ZFPM2: variants seen among roughly 807,000 people sequenced by gnomAD.
ZFPM2 encodes zinc finger protein ZFPM2.
Under a neutral mutation model 98.6 loss-of-function variants are expected in ZFPM2, and 20 were observed. That is an observed-to-expected ratio of 0.20 (90% CI 0.14 to 0.29). The LOEUF (loss-of-function observed/expected upper bound fraction) is 0.29. Among genes scored for constraint, ZFPM2 ranks in the 10% least tolerant of loss-of-function variants. The pLI is 1.00. For missense variants in ZFPM2, 1,310 were observed against 1,388.6 expected, an observed-to-expected ratio of 0.94 and a Z score of 0.90; for synonymous variants, 518 against 502.7, an observed-to-expected ratio of 1.03 and a Z score of -0.41.
intron 6 of ZFPM2, among the ~76,000 whole-genome samples, chr8:105,790,100 T>A (rs1166675180): frequency 6.6e-6 from 1 of 151,572 alleles, no homozygotes; most frequent in Non-Finnish European, 1.5e-5. Flanking sequence ...TTAGATCCCA[T>A]TTGTCAATTT....
At chr8:105,629,219 G>A (rs771804334) in intron 4 of ZFPM2, among the ~76,000 whole-genome samples, 3 of 152,282 alleles carry the variant, frequency 2.0e-5, no homozygotes, top group South Asian at 2.1e-4. Flanking sequence ...ATACTTGTTC[G>A]CTCATGTGCT....
intron 3 of ZFPM2, among the ~76,000 whole-genome samples, chr8:105,552,424 G>C (rs28416651): frequency 6.6e-6 from 1 of 151,908 alleles, no homozygotes; most frequent in Non-Finnish European, 1.5e-5. Flanking sequence ...GCTGTGACAC[G>C]GGATGTTGTC....
At chr8:105,422,632 G>A (rs1452274466) in intron 2 of ZFPM2, among the ~76,000 whole-genome samples, 1 of 151,884 alleles carries the variant, frequency 6.6e-6, no homozygotes, top group Non-Finnish European at 1.5e-5. Context: ...TAATTATATG[G>A]GTCCCAAGCA....
At chr8:105,645,227 T>C (rs1393452734) in intron 5 of ZFPM2, among the ~76,000 whole-genome samples, 2 of 152,244 alleles carry the variant, frequency 1.3e-5, no homozygotes, top group African/African-American at 4.8e-5. Context: ...CTTGACTTTC[T>C]TTGACTTTCT....
intron 4 of ZFPM2, among the ~76,000 whole-genome samples, chr8:105,633,253 A>T: frequency 6.6e-6 from 1 of 152,188 alleles, no homozygotes; most frequent in East Asian, 1.9e-4. Flanking sequence ...CTTTGGCAGG[A>T]TCATATCTAG....
At chr8:105,412,607 A>C (rs755156945) in intron 1 of ZFPM2, among the ~76,000 whole-genome samples, 1 of 151,748 alleles carries the variant, frequency 6.6e-6, no homozygotes, top group African/African-American at 2.4e-5. Context: ...TTTCCTTCCT[A>C]CTAGATCCCC....
chr8:105,483,753 C>CTTTTTTT (rs551275094), intron 3 of ZFPM2, among the ~76,000 whole-genome samples: 1 of 141,776 alleles, frequency 7.1e-6, no homozygotes, highest in African/African-American at 2.6e-5. Flanking sequence ...TTTTTCTTTT[C>CTTTTTTT]TTTTTTTTTT....
intron 3 of ZFPM2, among the ~76,000 whole-genome samples, chr8:105,456,861 A>T (rs1812603317): frequency 1.3e-5 from 2 of 151,948 alleles, no homozygotes; most frequent in African/African-American, 4.8e-5. Context: ...TTTATCAGAG[A>T]CCGGGTTTCA....
chr8:105,464,367 T>C (rs1294836763), intron 3 of ZFPM2, among the ~76,000 whole-genome samples: 1 of 152,038 alleles, frequency 6.6e-6, no homozygotes, highest in Non-Finnish European at 1.5e-5. Context: ...AGTAAATGAA[T>C]TTTATAGGAT....
chr8:105,363,075 TC>T (rs1441463213), intron 1 of ZFPM2, among the ~76,000 whole-genome samples: 11 of 152,154 alleles, frequency 7.2e-5, no homozygotes, highest in Non-Finnish European at 1.3e-4. Context: ...TGAACGTGTA[TC>T]CCCACTCACC....
intron 4 of ZFPM2, among the ~76,000 whole-genome samples, chr8:105,571,677 A>G (rs1186106110): frequency 1.3e-5 from 2 of 152,234 alleles, no homozygotes; most frequent in South Asian, 2.1e-4. Flanking sequence ...TCAGCTTGAC[A>G]TGACAATTAA....
chr8:105,660,123 G>T (rs1312600980), intron 5 of ZFPM2, among the ~76,000 whole-genome samples: 1 of 151,946 alleles, frequency 6.6e-6, no homozygotes, highest in Non-Finnish European at 1.5e-5. Context: ...AAATAAACTG[G>T]AAACTGTTAG....
intron 3 of ZFPM2, among the ~76,000 whole-genome samples, chr8:105,510,949 A>G (rs2130507094): frequency 6.6e-6 from 1 of 152,298 alleles, no homozygotes; most frequent in South Asian, 2.1e-4. Flanking sequence ...TCACATATTC[A>G]CTTCAGAGTG....
intron 1 of ZFPM2, among the ~76,000 whole-genome samples, chr8:105,351,513 G>A (rs1443887052): frequency 6.6e-6 from 1 of 151,990 alleles, no homozygotes; most frequent in Non-Finnish European, 1.5e-5. Context: ...ATTCAACTTT[G>A]TACTTACGTA....
chr8:105,513,033 A>G (rs1466698809), intron 3 of ZFPM2, among the ~76,000 whole-genome samples: 2 of 152,138 alleles, frequency 1.3e-5, no homozygotes. Flanking sequence ...TACATGATCA[A>G]TGGTTTACAT....
At chr8:105,766,251 CT>C (rs904886584) in intron 5 of ZFPM2, among the ~76,000 whole-genome samples, 1 of 151,900 alleles carries the variant, frequency 6.6e-6, no homozygotes, top group Non-Finnish European at 1.5e-5. Context: ...GAAATCGAAG[CT>C]TTCCAACCTC....
At chr8:105,598,978 T>G (rs1816032575) in intron 4 of ZFPM2, among the ~76,000 whole-genome samples, 1 of 152,280 alleles carries the variant, frequency 6.6e-6, no homozygotes, top group African/African-American at 2.4e-5. Context: ...ATTGATTAAA[T>G]GAGTCTATTC....
chr8:105,524,980 C>T (rs1041639302), intron 3 of ZFPM2, among the ~76,000 whole-genome samples: 2 of 152,136 alleles, frequency 1.3e-5, no homozygotes, highest in African/African-American at 4.8e-5. Context: ...AAAAAAAGTT[C>T]ATCTCTCGCT....
intron 4 of ZFPM2, 71 bp from the exon 5 acceptor site, chr8:105,634,175 A>T: frequency 1.8e-6 from 2 of 1,085,774 alleles, no homozygotes; most frequent in Non-Finnish European, 2.7e-6. Flanking sequence ...TAAAATGATT[A>T]GTACAGTTAT....
Sources: gnomAD v4.1 joint callset for allele counts (sites outside exome capture counted in the v4.1 genomes callset) on GRCh38, gnomAD v4.1.1 for gene constraint, MANE v1.5 for transcripts, NCBI Gene and HGNC (gene_info 2026-07-23, HGNC 2026-07-21) for gene names.